CLIC5: variants seen among roughly 807,000 people sequenced by gnomAD.
The protein encoded by CLIC5 is chloride intracellular channel protein 5.
In CLIC5, 20 loss-of-function variants were observed where a neutral mutation model predicts 24.7. That is an observed-to-expected ratio of 0.81 (90% confidence interval 0.57 to 1.18). The LOEUF (loss-of-function observed/expected upper bound fraction) is 1.18. CLIC5 is among the 50% of genes most tolerant of loss of function. The probability of loss-of-function intolerance (pLI) is 0.00; values close to 1 mark genes in which losing one functional copy is unlikely to be tolerated. For missense variants in CLIC5, 341 were observed against 326.1 expected (o/e 1.05, Z -0.35); for synonymous variants, 159 against 135.6 (o/e 1.17, Z -1.20).
chr6:46,088,161 CTG>C, the CLIC5 span, among the ~76,000 whole-genome samples: 1,761 of 146,234 alleles, frequency 0.012, 13 homozygotes, highest in East Asian at 0.055. Context: ...CGCTCTCTTT[CTG>C]TGTGTGTGTG....
In CLIC5 at chr6:45,974,834, C is replaced by T. The variant is rs1581812389; in HGVS notation, c.64-19590G>A. Among the ~76,000 whole-genome samples, 3 of 152,082 alleles carry T rather than the reference C, an allele frequency of 2.0e-5. No individual in the cohort carries two copies. The South Asian group carries it at 6.2e-4, about 32-fold the overall frequency. Reference sequence around the variant, plus strand: ...CCCCTGCAGGCTCTGGGACACCACACTGCTGTAATCAAGTCTGTTATAATC... The same window carrying T: ...CCCCTGCAGGCTCTGGGACACCACATTGCTGTAATCAAGTCTGTTATAATC... On this transcript the variant is annotated intron_variant, in intron 1 of 5. Coordinates refer to ENST00000339561, the MANE Select transcript of CLIC5 (RefSeq NM_016929.5).
At chr6:45,947,410 G>T (rs1004207104) in intron 3 of CLIC5, among the ~76,000 whole-genome samples, 2 of 151,538 alleles carry the variant, frequency 1.3e-5, no homozygotes, top group African/African-American at 4.9e-5. Flanking sequence ...GGTTCAAGAG[G>T]TGAAGGGACT....
In CLIC5 at chr6:46,015,684, T is replaced by C; in HGVS notation, c.-142A>G. 7.8e-7 allele frequency: 1 copy of C among 1,288,202 alleles called. No individual in the cohort carries two copies. The highest frequency in any genetic ancestry group is 9.9e-7 in the Non-Finnish European group (1 of 1,012,564). 79.8% of individuals were successfully genotyped at this position (1,288,202 alleles called of 1,614,324 possible). ...TAATTTTTCACAAAACCATCTATTCTCCAGCCCGAGCAGCGGGGTCTGAGA... is the reference window on the plus strand; with the variant it reads ...TAATTTTTCACAAAACCATCTATTCCCCAGCCCGAGCAGCGGGGTCTGAGA... On this transcript the variant is annotated 5_prime_UTR_variant, in exon 1 of 6. Transcript: ENST00000339561.
At chr6:46,044,888 A>G (rs1167332763) in intron 1 of CLIC5, among the ~76,000 whole-genome samples, 7 of 152,222 alleles carry the variant, frequency 4.6e-5, no homozygotes, top group African/African-American at 1.7e-4. Flanking sequence ...TGAGAATCAA[A>G]TTAATAACTC....
At chr6:46,045,412 A>G (rs1174897179) in intron 1 of CLIC5, among the ~76,000 whole-genome samples, 1 of 152,082 alleles carries the variant, frequency 6.6e-6, no homozygotes, top group Non-Finnish European at 1.5e-5. Context: ...CTGCCTGCCC[A>G]GGGGAATATG....
At chr6:45,925,413 C>T (rs1283642045) in intron 4 of CLIC5, among the ~76,000 whole-genome samples, 1 of 151,554 alleles carries the variant, frequency 6.6e-6, no homozygotes, top group East Asian at 1.9e-4. Context: ...ATCTCCCTGG[C>T]TCAAGCAATT....
chr6:46,082,476 G>A (rs1280562389), upstream of CLIC5, among the ~76,000 whole-genome samples: 4 of 152,074 alleles, frequency 2.6e-5, no homozygotes, highest in Admixed American at 6.6e-5. Flanking sequence ...TCCTTACAAC[G>A]GCCCACATGG....
intron 4 of CLIC5, chr6:45,920,467 G>C (rs1050681143): frequency 5.0e-5 from 18 of 363,308 alleles, no homozygotes; most frequent in Non-Finnish European, 6.9e-5. Context: ...ATAACCAAAG[G>C]GTGCAAAAAA....
intron 1 of CLIC5, among the ~76,000 whole-genome samples, chr6:46,069,052 A>C (rs142815422): frequency 2.6e-5 from 4 of 152,276 alleles, no homozygotes; most frequent in Non-Finnish European, 5.9e-5. Context: ...TCTAGGCTGC[A>C]TTTGAAAGGA....
At chr6:46,066,376 C>T (rs534061708) in intron 1 of CLIC5, among the ~76,000 whole-genome samples, 7 of 152,066 alleles carry the variant, frequency 4.6e-5, no homozygotes, top group Non-Finnish European at 8.8e-5. Flanking sequence ...CTGTTTTCTC[C>T]CTGACTAGCT....
At chr6:46,087,180 G>C in the CLIC5 span, among the ~76,000 whole-genome samples, 1 of 152,064 alleles carries the variant, frequency 6.6e-6, no homozygotes, top group African/African-American at 2.4e-5. Context: ...GTCTATTTTA[G>C]ATTATACAAT....
chr6:45,941,686 G>A (rs757812114), intron 3 of CLIC5, 33 bp from the exon 4 acceptor site: 9 of 1,515,748 alleles, frequency 5.9e-6, no homozygotes, highest in Admixed American at 1.7e-5. Context: ...CTGTGAATCA[G>A]TAGACTTGGA....
chr6:45,945,396 C>A (rs757313455), intron 3 of CLIC5, among the ~76,000 whole-genome samples: 1 of 152,124 alleles, frequency 6.6e-6, no homozygotes, highest in African/African-American at 2.4e-5. Context: ...GTTGGGATCA[C>A]GTGTGGATTC....
At chr6:45,945,235 A>G (rs746409886) in intron 3 of CLIC5, among the ~76,000 whole-genome samples, 21 of 152,206 alleles carry the variant, frequency 1.4e-4, no homozygotes, top group Admixed American at 6.5e-5. Context: ...TATTTTTTAC[A>G]ATAGCCCTAT....
rs141375977 is a variant in CLIC5 at position 46,010,604 on chromosome 6, G to T, written c.63+4876C>A. ...TCTTGCATGGAGGGGGCCAATAAAT[G>T]CCCAAAGAGACAACACAAGTCATCA... On this transcript the variant is annotated intron_variant, in intron 1 of 5. Coordinates refer to ENST00000339561, the MANE Select transcript of CLIC5 (RefSeq NM_016929.5). Among the ~76,000 whole-genome samples the T allele has an allele frequency of 2.7e-3, 404 of 152,292 alleles. 3 individuals are homozygous for T. Among genetic ancestry groups the T allele is most frequent in the African/African-American group, 9.4e-3 (391 of 41,568 alleles).
intron 5 of CLIC5, among the ~76,000 whole-genome samples, chr6:45,909,072 G>A (rs1315569346): frequency 1.3e-5 from 2 of 150,730 alleles, no homozygotes; most frequent in African/African-American, 4.9e-5. Context: ...TTGGTTTGTG[G>A]TATGTTTTAC....
At chr6:45,945,440 C>A (rs1207723309) in intron 3 of CLIC5, among the ~76,000 whole-genome samples, 1 of 152,024 alleles carries the variant, frequency 6.6e-6, no homozygotes, top group Non-Finnish European at 1.5e-5. Context: ...GTAATGTCAC[C>A]ATGACATTTT....
At chr6:46,114,384 G>A in the CLIC5 span, among the ~76,000 whole-genome samples, 1 of 152,136 alleles carries the variant, frequency 6.6e-6, no homozygotes, top group Non-Finnish European at 1.5e-5. Context: ...GTCACCCCCA[G>A]AAGATGGGAT....
intron 3 of CLIC5, 92 bp downstream of exon 3, chr6:45,949,164 G>C: frequency 6.8e-7 from 1 of 1,480,644 alleles, no homozygotes; most frequent in Non-Finnish European, 9.1e-7. Flanking sequence ...GGTTCCTTTG[G>C]AAATGCATCT....
Sources: allele counts gnomAD v4.1 joint callset (sites outside exome capture counted in the v4.1 genomes callset), GRCh38; gene constraint gnomAD v4.1.1; transcripts MANE v1.5; gene names NCBI Gene and HGNC (gene_info 2026-07-23, HGNC 2026-07-21).